The following SMYD3 variants were observed in gnomAD, a reference collection of about 807,000 sequenced individuals.
The protein encoded by SMYD3 is histone-lysine N-methyltransferase SMYD3.
In SMYD3, 36 loss-of-function variants were observed where a neutral mutation model predicts 57.7. That is an observed-to-expected ratio of 0.62 (90% confidence interval 0.48 to 0.82). The LOEUF (loss-of-function observed/expected upper bound fraction) is 0.82. Ranked by LOEUF, SMYD3 falls within the 40% of genes least tolerant of loss-of-function variation. The pLI is 0.00. For missense variants in SMYD3, 515 were observed against 538.8 expected (o/e 0.96, Z 0.44); for synonymous variants, 211 against 195.0 (o/e 1.08, Z -0.68).
intron 10 of SMYD3, among the ~76,000 whole-genome samples, chr1:245,831,558 C>T (rs2049834664): frequency 6.6e-6 from 1 of 152,218 alleles, no homozygotes; most frequent in Admixed American, 6.5e-5. Flanking sequence ...CCACACAGAC[C>T]ACTTTCTAGC....
At chr1:246,463,705 G>C (rs1252925908) in intron 1 of SMYD3, among the ~76,000 whole-genome samples, 1 of 149,140 alleles carries the variant, frequency 6.7e-6, no homozygotes, top group Non-Finnish European at 1.5e-5. Context: ...GTGTTGTGGC[G>C]GGCGCCTGTA....
chr1:246,322,881 T>C (rs1031742686), intron 5 of SMYD3, among the ~76,000 whole-genome samples: 2 of 152,226 alleles, frequency 1.3e-5, no homozygotes, highest in Non-Finnish European at 2.9e-5. Context: ...ATTTTAAACA[T>C]CAAGCTCTTA....
At chr1:246,307,581 G>A (rs1041419553) in intron 5 of SMYD3, among the ~76,000 whole-genome samples, 8 of 151,674 alleles carry the variant, frequency 5.3e-5, no homozygotes, top group East Asian at 1.9e-4. Flanking sequence ...CACCACGCCC[G>A]GCTAATTTTT....
At chr1:246,030,063 A>G (rs2059644965) in intron 5 of SMYD3, among the ~76,000 whole-genome samples, 1 of 150,848 alleles carries the variant, frequency 6.6e-6, no homozygotes, top group Admixed American at 6.6e-5. Context: ...CACACCCCCA[A>G]TGCGTATTGC....
At chr1:245,811,082 T>C (rs1183567347) in intron 10 of SMYD3, among the ~76,000 whole-genome samples, 1 of 152,174 alleles carries the variant, frequency 6.6e-6, no homozygotes, top group African/African-American at 2.4e-5. Flanking sequence ...CTCCTGGAAT[T>C]TGTAAGTGTG....
chr1:246,463,317 C>A (rs1382464793), intron 1 of SMYD3, among the ~76,000 whole-genome samples: 2 of 152,056 alleles, frequency 1.3e-5, no homozygotes, highest in South Asian at 2.1e-4. Flanking sequence ...CTGCTGAAAT[C>A]AACAGGATTG....
rs188764291 is a variant in SMYD3 at position 245,762,291 on chromosome 1, G to A, written c.1185+1750C>T. On this transcript the variant is annotated intron_variant, in intron 11 of 11. Coordinates refer to ENST00000490107, the MANE Select transcript of SMYD3 (RefSeq NM_001167740.2). Reference sequence around the variant, plus strand: ...TGTCATGGGGACTGAGTATGATCACGGATCACGTACGTACGAGCAGTATTC... The same window carrying A: ...TGTCATGGGGACTGAGTATGATCACAGATCACGTACGTACGAGCAGTATTC... Among the ~76,000 whole-genome samples, 154 of 152,268 alleles carry A rather than the reference G, an allele frequency of 1.0e-3. 1 individual carries two copies. The highest frequency in any genetic ancestry group is 1.8e-3 in the Non-Finnish European group (120 of 68,012).
chr1:246,305,517 T>A (rs535809405), intron 5 of SMYD3, among the ~76,000 whole-genome samples: 1 of 152,186 alleles, frequency 6.6e-6, no homozygotes, highest in African/African-American at 2.4e-5. Flanking sequence ...TATTTTCTCA[T>A]AAATCTGCTT....
At chr1:245,951,858 C>T (rs950877542) in intron 5 of SMYD3, among the ~76,000 whole-genome samples, 1 of 151,980 alleles carries the variant, frequency 6.6e-6, no homozygotes, top group Non-Finnish European at 1.5e-5. Flanking sequence ...AATAAAATTC[C>T]ACATGATCCT....
At chr1:246,186,648 C>T (rs1438828932) in intron 5 of SMYD3, 4 of 664,408 alleles carry the variant, frequency 6.0e-6, no homozygotes, top group African/African-American at 2.0e-5. Context: ...CATATCAGCC[C>T]CAAAACTAAG....
Position 245,774,706 on chromosome 1 carries a change from C to G in SMYD3, c.1077-10557G>C, listed in dbSNP as rs1039065568. Among the ~76,000 whole-genome samples the G allele has an allele frequency of 5.4e-5, 8 of 148,980 alleles. No individual in the cohort carries two copies. The East Asian group carries it at 1.6e-3, about 29-fold the overall frequency. On this transcript the variant is annotated intron_variant, in intron 10 of 11. Coordinates refer to ENST00000490107, the MANE Select transcript of SMYD3 (RefSeq NM_001167740.2). The stretch of plus-strand genomic sequence containing the variant: ...CCCACGGTCTCCCTCTCCCTCTCCA[C>G]GGTCTCCCTCTCCCTCTCTTTCCAC...
intron 5 of SMYD3, among the ~76,000 whole-genome samples, chr1:246,288,802 T>C (rs1352592623): frequency 1.3e-5 from 2 of 152,084 alleles, no homozygotes; most frequent in Non-Finnish European, 2.9e-5. Context: ...TAAGAAAATG[T>C]AGTTCAATTA....
At chr1:245,750,396 C>T (rs917924502) in intron 11 of SMYD3, among the ~76,000 whole-genome samples, 4 of 152,322 alleles carry the variant, frequency 2.6e-5, no homozygotes, top group Admixed American at 6.5e-5. Context: ...CTCTGGCTGG[C>T]AGTCTTAGCC....
intron 5 of SMYD3, among the ~76,000 whole-genome samples, chr1:246,093,552 T>C (rs1278432290): frequency 6.6e-6 from 1 of 152,154 alleles, no homozygotes; most frequent in Non-Finnish European, 1.5e-5. Flanking sequence ...CACTCACATG[T>C]GGGAGCTAAA....
chr1:245,841,451 T>A (rs1008214777), intron 10 of SMYD3, among the ~76,000 whole-genome samples: 1 of 152,218 alleles, frequency 6.6e-6, no homozygotes, highest in Non-Finnish European at 1.5e-5. Context: ...CATGACCTAC[T>A]GGCCTTTATT....
At chr1:245,927,884 T>A in intron 7 of SMYD3, 47 bp downstream of exon 7, 1 of 1,491,034 alleles carries the variant, frequency 6.7e-7, no homozygotes, top group African/African-American at 1.4e-5. Flanking sequence ...GCTGAGAGGG[T>A]CTTTGATAGG....
intron 8 of SMYD3, among the ~76,000 whole-genome samples, chr1:245,886,882 T>C (rs577833788): frequency 2.6e-4 from 40 of 152,144 alleles, no homozygotes; most frequent in Non-Finnish European, 5.1e-4. Context: ...CTGCCCAGCA[T>C]AGGCCATCCC....
chr1:246,386,407 G>A (rs915804266), intron 1 of SMYD3, among the ~76,000 whole-genome samples: 1 of 152,174 alleles, frequency 6.6e-6, no homozygotes, highest in Non-Finnish European at 1.5e-5. Context: ...ATTCAGTGTT[G>A]TCAGGAACCA....
intron 3 of SMYD3, among the ~76,000 whole-genome samples, chr1:246,331,416 C>T (rs926150114): frequency 2.0e-5 from 3 of 152,104 alleles, no homozygotes; most frequent in Admixed American, 2.0e-4. Context: ...TTTACAATAC[C>T]CAAGTTATAA....
Sources: allele counts gnomAD v4.1 joint callset (sites outside exome capture counted in the v4.1 genomes callset), GRCh38; gene constraint gnomAD v4.1.1; transcripts MANE v1.5; gene names NCBI Gene and HGNC (gene_info 2026-07-23, HGNC 2026-07-21).